The following INPP4B variants were observed in gnomAD, a reference collection of about 807,000 sequenced individuals.
INPP4B encodes inositol polyphosphate-4-phosphatase type II B, also known as inositol polyphosphate 4-phosphatase type II.
A neutral mutation model predicts 122.5 loss-of-function variants in INPP4B; 55 were observed. The ratio of observed to expected loss-of-function variants is 0.45; its 90% confidence interval spans 0.36 to 0.56. The LOEUF is 0.56. Among genes scored for constraint, INPP4B ranks in the 20% least tolerant of loss-of-function variants. The pLI is 0.00. For missense variants in INPP4B, 1,000 were observed against 1,097.7 expected (o/e 0.91, Z 1.26); for synonymous variants, 403 against 388.7 (o/e 1.04, Z -0.43).
intron 25 of INPP4B, among the ~76,000 whole-genome samples, chr4:142,032,547 C>T (rs777814436): frequency 1.3e-5 from 2 of 152,160 alleles, no homozygotes; most frequent in Non-Finnish European, 2.9e-5. Context: ...CAATATGTAT[C>T]TCATTCTATT....
rs181770204 is a variant in INPP4B, at chr4:142,658,099, G to A, written c.-191+67740C>T. On this transcript the variant is annotated intron_variant, in intron 2 of 25. Transcript: ENST00000262992. ...CGATATGCTATCAATCATAATTAAG[G>A]TTATGTTAAGTTATTGTAAACCATG... Among the ~76,000 whole-genome samples, 99 of 152,236 alleles carry A rather than the reference G, an allele frequency of 6.5e-4. 1 individual carries two copies. The highest frequency in any genetic ancestry group is 5.6e-3 in the Admixed American group (86 of 15,294).
intron 25 of INPP4B, among the ~76,000 whole-genome samples, chr4:142,078,950 C>T (rs763729275): frequency 1.3e-5 from 2 of 151,986 alleles, no homozygotes; most frequent in Non-Finnish European, 2.9e-5. Flanking sequence ...CTTTAAAACA[C>T]TGATTTTTAA....
intron 16 of INPP4B, among the ~76,000 whole-genome samples, chr4:142,173,199 G>A (rs908616770): frequency 1.3e-5 from 2 of 151,892 alleles, no homozygotes; most frequent in Admixed American, 6.6e-5. Flanking sequence ...ACCCCACACA[G>A]ACTGATGTAA....
intron 3 of INPP4B, among the ~76,000 whole-genome samples, chr4:142,460,588 C>T (rs1263292160): frequency 6.6e-6 from 1 of 152,090 alleles, no homozygotes; most frequent in African/African-American, 2.4e-5. Flanking sequence ...GTTTGAGACA[C>T]ATCTCTAGTA....
At chr4:142,667,859 G>T (rs1319373755) in intron 2 of INPP4B, among the ~76,000 whole-genome samples, 1 of 152,114 alleles carries the variant, frequency 6.6e-6, no homozygotes, top group Non-Finnish European at 1.5e-5. Context: ...ATAAATCTTG[G>T]TCAAATAAAA....
intron 2 of INPP4B, among the ~76,000 whole-genome samples, chr4:142,489,963 T>C (rs1821673668): frequency 6.6e-6 from 1 of 152,210 alleles, no homozygotes. Context: ...TTGCATGTTA[T>C]GTATTTTCCC....
At chr4:142,032,878 A>G (rs1028134850) in intron 25 of INPP4B, among the ~76,000 whole-genome samples, 9 of 152,158 alleles carry the variant, frequency 5.9e-5, no homozygotes, top group African/African-American at 1.9e-4. Context: ...ATATCAATAA[A>G]TAGGTACATC....
At chr4:142,483,182 CTTTTTTTTTTTTTTT>C (rs5862604) in intron 2 of INPP4B, among the ~76,000 whole-genome samples, 3 of 48,326 alleles carry the variant, frequency 6.2e-5, no homozygotes, top group African/African-American at 2.0e-4. Flanking sequence ...TCAGGCTATG[CTTTTTTTTTTTTTTT>C]TTTTTTTTTT....
intron 9 of INPP4B, among the ~76,000 whole-genome samples, chr4:142,291,294 T>C (rs1489986483): frequency 1.3e-5 from 2 of 152,334 alleles, no homozygotes; most frequent in Non-Finnish European, 2.9e-5. Context: ...TAACTCAAAT[T>C]TTTTATTTTA....
intron 11 of INPP4B, 86 bp from the exon 12 acceptor site, chr4:142,238,097 T>A (rs1857450817): frequency 1.7e-6 from 1 of 591,430 alleles, no homozygotes; most frequent in African/African-American, 1.9e-5. Context: ...TTAATCAAGA[T>A]GGCATTTTTA....
chr4:142,107,183 C>T lies in INPP4B; in HGVS notation c.2374+910G>A, dbSNP rs559149344. 1.1e-3 allele frequency among the ~76,000 whole-genome samples: 162 copies of T among 152,092 alleles called. 1 individual carries two copies. The highest frequency in any genetic ancestry group is 3.8e-3 in the African/African-American group (158 of 41,502). ...ATTTTTAACTATCCACACATGGGCA[C>T]GCATATGCCACTGCAATATTTGGAT... On this transcript the variant is annotated intron_variant, in intron 23 of 25. Coordinates refer to ENST00000262992, the MANE Select transcript of INPP4B (RefSeq NM_001101669.3).
At chr4:142,730,123 C>T (rs1302324791) in intron 1 of INPP4B, among the ~76,000 whole-genome samples, 2 of 152,148 alleles carry the variant, frequency 1.3e-5, no homozygotes, top group Non-Finnish European at 2.9e-5. Context: ...ATAAAATCTT[C>T]CTTTCATCTC....
intron 2 of INPP4B, among the ~76,000 whole-genome samples, chr4:142,543,595 T>C (rs1323627651): frequency 2.0e-5 from 3 of 152,120 alleles, no homozygotes; most frequent in Non-Finnish European, 1.5e-5. Flanking sequence ...AGAGTCAGCA[T>C]TTAAAAAAAT....
chr4:142,480,695 G>A (rs1820399679), intron 2 of INPP4B, among the ~76,000 whole-genome samples: 1 of 152,110 alleles, frequency 6.6e-6, no homozygotes, highest in Non-Finnish European at 1.5e-5. Context: ...TAAAGCGAAT[G>A]AGTTGATGAT....
intron 8 of INPP4B, among the ~76,000 whole-genome samples, chr4:142,311,195 G>T (rs537051668): frequency 6.6e-6 from 1 of 152,294 alleles, no homozygotes; most frequent in African/African-American, 2.4e-5. Flanking sequence ...TCGCTGATAG[G>T]ATGTATATTA....
chr4:142,277,692 C>CACAA (rs1268497064), intron 9 of INPP4B, among the ~76,000 whole-genome samples: 20 of 151,076 alleles, frequency 1.3e-4, no homozygotes, highest in Non-Finnish European at 2.7e-4. Context: ...TACACACACA[C>CACAA]ACACACACAC....
At chr4:142,366,953 G>T (rs960406296) in intron 7 of INPP4B, among the ~76,000 whole-genome samples, 7 of 152,134 alleles carry the variant, frequency 4.6e-5, no homozygotes, top group African/African-American at 1.7e-4. Flanking sequence ...GTCAAAGGAT[G>T]CAAGAAGTGC....
chr4:142,259,976 A>G (rs747127997), intron 11 of INPP4B, among the ~76,000 whole-genome samples: 1 of 151,954 alleles, frequency 6.6e-6, no homozygotes, highest in Admixed American at 6.6e-5. Flanking sequence ...GCAGCACATG[A>G]TATTTGTTTT....
In INPP4B at chr4:142,028,109, C is replaced by A. The variant is rs2152251646; in HGVS notation, c.*673G>T. 4.4e-6 allele frequency: 1 copy of A among 228,780 alleles called. No individual in the cohort carries two copies. The highest frequency in any genetic ancestry group is 6.2e-5 in the East Asian group (1 of 16,016). 14.2% of individuals were successfully genotyped at this position (228,780 alleles called of 1,614,324 possible). ...TTGCTACATTCACAGCTAGATCACA[C>A]AACCCAAGTCAGAGTTCTGAAAAGA... On this transcript the variant is annotated 3_prime_UTR_variant, in exon 26 of 26. Coordinates refer to ENST00000262992, the MANE Select transcript of INPP4B (RefSeq NM_001101669.3).
Sources: gnomAD v4.1 joint callset for allele counts (sites outside exome capture counted in the v4.1 genomes callset) on GRCh38, gnomAD v4.1.1 for gene constraint, MANE v1.5 for transcripts, NCBI Gene and HGNC (gene_info 2026-07-23, HGNC 2026-07-21) for gene names.